The following SMURF2 variants were observed in gnomAD, a reference collection of about 807,000 sequenced individuals.
The protein encoded by SMURF2 is SMAD specific E3 ubiquitin protein ligase 2, also known as E3 ubiquitin-protein ligase SMURF2.
A neutral mutation model predicts 109.6 loss-of-function variants in SMURF2; 48 were observed. The observed-to-expected ratio is 0.44, with a 90% CI of 0.35 to 0.56. The LOEUF is 0.56. Among genes scored for constraint, SMURF2 ranks in the 20% least tolerant of loss-of-function variants. The probability of loss-of-function intolerance (pLI) is 0.01; values close to 1 mark genes in which losing one functional copy is unlikely to be tolerated. For synonymous variants in SMURF2, 288 were observed against 317.1 expected (o/e 0.91, Z 0.97); for missense variants, 575 against 909.0 (o/e 0.63, Z 4.72).
intron 1 of SMURF2, among the ~76,000 whole-genome samples, chr17:64,622,789 T>C (rs1419674118): frequency 6.6e-6 from 1 of 152,190 alleles, no homozygotes; most frequent in Non-Finnish European, 1.5e-5. Context: ...ACTGTACTCT[T>C]TGGAAGGATG....
intron 4 of SMURF2, among the ~76,000 whole-genome samples, chr17:64,592,013 C>G (rs1419219665): frequency 6.6e-6 from 1 of 152,146 alleles, no homozygotes; most frequent in Non-Finnish European, 1.5e-5. Flanking sequence ...CCTACTTATC[C>G]AACCAAAAAT....
chr17:64,583,368 G>C, intron 7 of SMURF2, 93 bp downstream of exon 7: 1 of 1,067,704 alleles, frequency 9.4e-7, no homozygotes, highest in Non-Finnish European at 1.4e-6. Flanking sequence ...CAAAAACCAA[G>C]AAAAAAAATC....
At chr17:64,627,921 TG>T (rs1970289141) in intron 1 of SMURF2, among the ~76,000 whole-genome samples, 1 of 152,216 alleles carries the variant, frequency 6.6e-6, no homozygotes, top group South Asian at 2.1e-4. Context: ...GACTTTGTGC[TG>T]GATTAGGCTT....
intron 8 of SMURF2, 88 bp from the exon 9 acceptor site, chr17:64,578,664 G>T: frequency 1.3e-6 from 1 of 766,654 alleles, no homozygotes; most frequent in South Asian, 1.8e-5. Flanking sequence ...ATACTAATAG[G>T]GAAAAATCTC....
chr17:64,555,838 T>C lies in SMURF2; in HGVS notation c.1592A>G (p.Asn531Ser), dbSNP rs782115668. The change falls in exon 14 of 19, where the codon AAC becomes AGC. Residue 531 changes from asparagine to serine, a missense_variant. This residue lies in a region of SMURF2 where 361 missense variants were observed against 612.1 expected (regional missense o/e 0.59). Transcript: ENST00000262435. ...TACATACAGTATCCACACTAAACTG[T>C]TGTGAAGATCCGGATCTACTAACTC... Reference protein sequence around the residue: ...DMELVDPDLHNSLVWILENDI... With the variant: ...DMELVDPDLHSSLVWILENDI... The C allele has an allele frequency of 5.0e-6, 8 of 1,612,312 alleles. No individual in the cohort carries two copies. Among genetic ancestry groups the C allele is most frequent in the Admixed American group, 1.7e-5 (1 of 59,948 alleles).
chr17:64,652,872 G>GA (rs1400152383), intron 1 of SMURF2, among the ~76,000 whole-genome samples: 5 of 150,344 alleles, frequency 3.3e-5, no homozygotes, highest in Admixed American at 6.6e-5. Flanking sequence ...ATATCCATAT[G>GA]AAAAAAAAAT....
chr17:64,645,099 C>A (rs1555692890), intron 1 of SMURF2, among the ~76,000 whole-genome samples: 1 of 151,306 alleles, frequency 6.6e-6, no homozygotes, highest in African/African-American at 2.4e-5. Context: ...TCTAAGGCAA[C>A]AGCACTGTCA....
In SMURF2 at chr17:64,613,672, C is replaced by CTG. The variant is rs1568195473; in HGVS notation, c.53-7033_53-7032insCA. ...CATGGAAGACAAGTTTTCCACGGAC[C>CTG]AGTGTGTGTGTGTGTGTGTGTGTGT... is the stretch of plus-strand genomic sequence containing the variant. On this transcript the variant is annotated intron_variant, in intron 1 of 18. Transcript: ENST00000262435. Among the ~76,000 whole-genome samples the CTG allele has an allele frequency of 5.6e-4, 30 of 53,720 alleles. 1 individual carries two copies. Among genetic ancestry groups the CTG allele is most frequent in the African/African-American group, 8.1e-4 (11 of 13,518 alleles). 35.2% of individuals were successfully genotyped at this position (53,720 alleles called of 152,430 possible).
intron 3 of SMURF2, among the ~76,000 whole-genome samples, chr17:64,597,480 AC>A (rs1385403491): frequency 1.3e-5 from 2 of 152,110 alleles, no homozygotes; most frequent in Non-Finnish European, 2.9e-5. Context: ...ATTCAAAAAT[AC>A]CTAAAACTAG....
At chr17:64,594,877 C>T (rs2144658279) in intron 3 of SMURF2, among the ~76,000 whole-genome samples, 1 of 152,134 alleles carries the variant, frequency 6.6e-6, no homozygotes, top group South Asian at 2.1e-4. Flanking sequence ...GCAATCCCAG[C>T]TACTTGGGAG....
intron 1 of SMURF2, among the ~76,000 whole-genome samples, chr17:64,631,278 GGGGGAGAGAGAGAGAGAGA>G (rs1970338280): frequency 3.3e-5 from 1 of 30,418 alleles, no homozygotes; most frequent in South Asian, 1.7e-3. Flanking sequence ...GAGAGGGGGG[GGGGGAGAGAGAGAGAGAGA>G]GAGAGAGAGA....
At chr17:64,619,430 A>T (rs914605802) in intron 1 of SMURF2, among the ~76,000 whole-genome samples, 3 of 145,888 alleles carry the variant, frequency 2.1e-5, no homozygotes, top group Non-Finnish European at 4.5e-5. Context: ...GTGAGCCGAG[A>T]TCATACCACT....
intron 15 of SMURF2, among the ~76,000 whole-genome samples, chr17:64,554,114 T>C (rs1474914678): frequency 1.3e-5 from 2 of 152,252 alleles, no homozygotes; most frequent in African/African-American, 4.8e-5. Context: ...TGTGCTCATT[T>C]ATAAACAGGC....
At chr17:64,558,471 T>A (rs1555684225) in intron 12 of SMURF2, among the ~76,000 whole-genome samples, 1 of 152,204 alleles carries the variant, frequency 6.6e-6, no homozygotes, top group Non-Finnish European at 1.5e-5. Context: ...TACAGACATA[T>A]AATATAGTAT....
chr17:64,598,631 T>C, intron 2 of SMURF2, 141 bp from the exon 3 acceptor site: 1 of 610,738 alleles, frequency 1.6e-6, no homozygotes, highest in Non-Finnish European at 2.6e-6. Context: ...TAGTCCATTT[T>C]TTAAAAAAAA....
chr17:64,632,523 C>T (rs781869097), intron 1 of SMURF2, among the ~76,000 whole-genome samples: 6 of 152,148 alleles, frequency 3.9e-5, no homozygotes, highest in Non-Finnish European at 7.3e-5. Context: ...GAGAGATGGG[C>T]AGGAAACAAA....
chr17:64,575,163 A>T (rs1598278227), intron 9 of SMURF2, among the ~76,000 whole-genome samples: 1 of 145,816 alleles, frequency 6.9e-6, no homozygotes, highest in African/African-American at 2.5e-5. Context: ...TTATCTATTT[A>T]TTTTTTTAGA....
At chr17:64,648,000 T>A (rs1049843100) in intron 1 of SMURF2, among the ~76,000 whole-genome samples, 11 of 129,492 alleles carry the variant, frequency 8.5e-5, no homozygotes, top group Non-Finnish European at 1.4e-4. Flanking sequence ...AGGCTGTAAG[T>A]GAGCTACGAT....
chr17:64,552,614 A>G (rs917975177), intron 15 of SMURF2, among the ~76,000 whole-genome samples: 7 of 152,226 alleles, frequency 4.6e-5, no homozygotes, highest in African/African-American at 1.7e-4. Flanking sequence ...TGAACCCTGA[A>G]GAGTGGGATC....
Sources: allele counts gnomAD v4.1 joint callset (sites outside exome capture counted in the v4.1 genomes callset), GRCh38; gene constraint gnomAD v4.1.1; regional missense constraint gnomAD v4.1.1; transcripts MANE v1.5; gene names NCBI Gene and HGNC (gene_info 2026-07-23, HGNC 2026-07-21).